Variants in ENOPH1 observed in about 807,000 individuals in gnomAD.
The protein encoded by ENOPH1 is enolase-phosphatase 1, also known as enolase-phosphatase E1.
Under a neutral mutation model 31.1 loss-of-function variants are expected in ENOPH1, and 14 were observed. The observed-to-expected ratio is 0.45, with a 90% CI of 0.30 to 0.70. ENOPH1 has a LOEUF of 0.70. ENOPH1 is among the 30% of genes least tolerant of loss of function. The probability of loss-of-function intolerance (pLI) is 0.09; values close to 1 mark genes in which losing one functional copy is unlikely to be tolerated. For synonymous variants in ENOPH1, 127 were observed against 123.2 expected, an observed-to-expected ratio of 1.03 and a Z score of -0.21; for missense variants, 243 against 321.5, an observed-to-expected ratio of 0.76 and a Z score of 1.87.
At chr4:82,450,973 T>C in intron 2 of ENOPH1, 70 bp from the exon 3 acceptor site, 5 of 1,347,358 alleles carry the variant, frequency 3.7e-6, no homozygotes, top group Non-Finnish European at 5.2e-6. Flanking sequence ...GCTGGGTTTT[T>C]GGGTCTCGTT....
At chr4:82,455,785 CAA>C (rs560737706) in intron 4 of ENOPH1, among the ~76,000 whole-genome samples, 1 of 135,612 alleles carries the variant, frequency 7.4e-6, no homozygotes, top group African/African-American at 2.7e-5. Flanking sequence ...GATTCCATCT[CAA>C]AAAAAAAAAA....
chr4:82,433,219 A>T (rs748009641), intron 1 of ENOPH1, among the ~76,000 whole-genome samples: 15 of 152,146 alleles, frequency 9.9e-5, no homozygotes, highest in Non-Finnish European at 1.9e-4. Context: ...CCTCATACAA[A>T]ATCAATTTTG....
At chr4:82,459,104 A>G (rs562490443) in intron 5 of ENOPH1, among the ~76,000 whole-genome samples, 4 of 152,146 alleles carry the variant, frequency 2.6e-5, no homozygotes, top group Non-Finnish European at 4.4e-5. Context: ...TATATTCCAG[A>G]TTTCTCACCA....
At position 82,448,070 on chromosome 4, in the gene ENOPH1, A is replaced by C. The variant is rs369835271; in HGVS notation, c.186+49A>C. On this transcript the variant is annotated intron_variant, in intron 2 of 5. Transcript: ENST00000273920. ...TCCCAAGTGTCTTAGAAATGAGGGTACCTGGAGATTTAGGACATGCTCTGA... is the reference window on the plus strand; with the variant it reads ...TCCCAAGTGTCTTAGAAATGAGGGTCCCTGGAGATTTAGGACATGCTCTGA... 1.7e-3 allele frequency: 2,311 copies of C among 1,329,430 alleles called. 8 individuals are homozygous for C. The highest frequency in any genetic ancestry group is 3.8e-3 in the South Asian group (306 of 81,162). The allele number at this position is 1,329,430 out of a possible 1,614,324, so 82.4% of individuals were successfully genotyped here. A position where few individuals can be genotyped will look rare whatever the true frequency, so the allele number is the denominator to read the frequency against.
chr4:82,440,565 C>T (rs1279149315), intron 1 of ENOPH1, among the ~76,000 whole-genome samples: 2 of 152,170 alleles, frequency 1.3e-5, no homozygotes, highest in Admixed American at 6.5e-5. Context: ...GAATGCCTTC[C>T]TTTCCCCTCC....
intron 1 of ENOPH1, among the ~76,000 whole-genome samples, chr4:82,444,367 G>A (rs900724048): frequency 2.6e-5 from 4 of 152,054 alleles, no homozygotes; most frequent in South Asian, 2.1e-4. Flanking sequence ...GACTATAGGC[G>A]TGTACCACCA....
chr4:82,434,084 G>A (rs1721843107), intron 1 of ENOPH1, among the ~76,000 whole-genome samples: 1 of 152,114 alleles, frequency 6.6e-6, no homozygotes, highest in Non-Finnish European at 1.5e-5. Flanking sequence ...ATGAAACAAA[G>A]CCTCTGAAAA....
At chr4:82,432,448 G>A (rs1183797341) in intron 1 of ENOPH1, among the ~76,000 whole-genome samples, 2 of 152,148 alleles carry the variant, frequency 1.3e-5, no homozygotes, top group Non-Finnish European at 2.9e-5. Context: ...AGCTTCAAGC[G>A]ATTCTTCTGT....
In ENOPH1 at chr4:82,451,396, T is replaced by G. The variant is rs1722347808; in HGVS notation, c.389+151T>G. 1.1e-5 allele frequency: 9 copies of G among 830,222 alleles called. 1 individual carries two copies. In the South Asian group the frequency reaches 1.7e-4, roughly 15 times the overall value. The allele number at this position is 830,222 out of a possible 1,614,324, so 51.4% of individuals were successfully genotyped here. A position where few individuals can be genotyped will look rare whatever the true frequency, so the allele number is the denominator to read the frequency against. ...GTCTAACAAGTGAGCTTTGTTTCAT[T>G]TTTTCAAAACTTGGCTAAAATATTT... is the stretch of plus-strand genomic sequence containing the variant. On this transcript the variant is annotated intron_variant, in intron 3 of 5. Coordinates refer to ENST00000273920, the MANE Select transcript of ENOPH1 (RefSeq NM_021204.5).
At chr4:82,433,489 T>C (rs1372857866) in intron 1 of ENOPH1, among the ~76,000 whole-genome samples, 1 of 152,240 alleles carries the variant, frequency 6.6e-6, no homozygotes, top group African/African-American at 2.4e-5. Context: ...TAATAATATC[T>C]ATTGTTATTA....
intron 1 of ENOPH1, among the ~76,000 whole-genome samples, chr4:82,441,672 T>C (rs756392488): frequency 6.6e-6 from 1 of 151,958 alleles, no homozygotes; most frequent in African/African-American, 2.4e-5. Flanking sequence ...TCAGATCTTG[T>C]GACAGTTATT....
intron 1 of ENOPH1, among the ~76,000 whole-genome samples, chr4:82,444,599 CA>C (rs1722133662): frequency 6.6e-6 from 1 of 152,206 alleles, no homozygotes; most frequent in African/African-American, 2.4e-5. Flanking sequence ...TAAACATTTA[CA>C]AGGCAACTTT....
intron 1 of ENOPH1, among the ~76,000 whole-genome samples, chr4:82,446,266 A>T (rs1314815843): frequency 1.3e-5 from 2 of 151,916 alleles, no homozygotes; most frequent in Non-Finnish European, 2.9e-5. Context: ...AAAAATACAA[A>T]AATTAGCCGG....
At chr4:82,444,191 A>G (rs1012912943) in intron 1 of ENOPH1, among the ~76,000 whole-genome samples, 1 of 150,890 alleles carries the variant, frequency 6.6e-6, no homozygotes, top group African/African-American at 2.4e-5. Context: ...CTTTTAAAGT[A>G]GTTTCTTTAT....
chr4:82,446,482 A>C (rs1366368927), intron 1 of ENOPH1, among the ~76,000 whole-genome samples: 1 of 152,076 alleles, frequency 6.6e-6, no homozygotes, highest in Non-Finnish European at 1.5e-5. Flanking sequence ...AGACAGTGCA[A>C]TCCTCCGATG....
intron 3 of ENOPH1, 142 bp downstream of exon 3, chr4:82,451,387 T>C (rs1366992603): frequency 2.4e-6 from 2 of 848,720 alleles, no homozygotes; most frequent in East Asian, 2.7e-5. Flanking sequence ...CAAGTGAGCT[T>C]TGTTTCATTT....
chr4:82,451,301 T>G, intron 3 of ENOPH1, 56 bp downstream of exon 3: 1 of 1,531,130 alleles, frequency 6.5e-7, no homozygotes, highest in Non-Finnish European at 9.0e-7. Context: ...AATATGTTTT[T>G]TCACCAGTCC....
intron 5 of ENOPH1, among the ~76,000 whole-genome samples, chr4:82,459,763 C>T (rs1466890305): frequency 2.0e-5 from 3 of 152,062 alleles, no homozygotes; most frequent in African/African-American, 7.2e-5. Context: ...AGTACAGTTA[C>T]GTATTTTTTA....
chr4:82,434,101 C>G (rs1344384761), intron 1 of ENOPH1, among the ~76,000 whole-genome samples: 2 of 152,122 alleles, frequency 1.3e-5, no homozygotes, highest in African/African-American at 4.8e-5. Flanking sequence ...AAAAGTTGAA[C>G]AAGATGCCTG....
Sources: allele counts gnomAD v4.1 joint callset (sites outside exome capture counted in the v4.1 genomes callset), GRCh38; gene constraint gnomAD v4.1.1; transcripts MANE v1.5; gene names NCBI Gene and HGNC (gene_info 2026-07-23, HGNC 2026-07-21).